Variants in TUSC3 observed in about 807,000 individuals in gnomAD.
TUSC3 encodes the protein tumor suppressor candidate 3, also known as dolichyl-diphosphooligosaccharide--protein glycosyltransferase subunit TUSC3.
TUSC3 carries 45 observed loss-of-function variants against 44.8 expected under a neutral mutation model. The observed-to-expected ratio is 1.00, with a 90% CI of 0.79 to 1.29. The LOEUF is 1.29. TUSC3 is among the 50% of genes most tolerant of loss of function. TUSC3 has a pLI of 0.00. For synonymous variants in TUSC3, 212 were observed against 152.9 expected, an observed-to-expected ratio of 1.39 and a Z score of -2.85; for missense variants, 519 against 437.9, an observed-to-expected ratio of 1.19 and a Z score of -1.65.
chr8:15,748,894 G>T, intron 9 of TUSC3: 11 of 380,988 alleles, frequency 2.9e-5, no homozygotes, highest in South Asian at 2.2e-4. Flanking sequence ...ACATGAAAGG[G>T]AAAAGTTAAG....
At chr8:15,603,974 C>T (rs549311142) in intron 1 of TUSC3, among the ~76,000 whole-genome samples, 6 of 151,376 alleles carry the variant, frequency 4.0e-5, no homozygotes, top group East Asian at 3.9e-4. Context: ...TCTATTATTG[C>T]TTATTAGAAA....
chr8:15,792,966 T>G, the TUSC3 span, among the ~76,000 whole-genome samples: 1 of 152,030 alleles, frequency 6.6e-6, no homozygotes, highest in Admixed American at 6.6e-5. Context: ...TCACCCTCTG[T>G]AAGGCGCCTA....
At chr8:15,662,742 G>T (rs373770467) in intron 5 of TUSC3, among the ~76,000 whole-genome samples, 1 of 151,948 alleles carries the variant, frequency 6.6e-6, no homozygotes, top group South Asian at 2.1e-4. Context: ...CTGCCTGTGA[G>T]AAATGCATTG....
intron 10 of TUSC3, among the ~76,000 whole-genome samples, chr8:15,760,305 T>C (rs138644535): frequency 0.019 from 2,838 of 152,296 alleles, 51 homozygotes; most frequent in Non-Finnish European, 0.025. Context: ...TTGGGAATTA[T>C]GTAATACATA....
At chr8:15,436,914 G>T (rs966844461) in intron 1 of TUSC3, among the ~76,000 whole-genome samples, 2 of 152,110 alleles carry the variant, frequency 1.3e-5, no homozygotes, top group Non-Finnish European at 2.9e-5. Context: ...TTTACATCTT[G>T]TTGATAATTC....
chr8:15,418,752 C>T (rs889248123), intron 1 of TUSC3, among the ~76,000 whole-genome samples: 4 of 152,112 alleles, frequency 2.6e-5, no homozygotes, highest in South Asian at 2.1e-4. Context: ...ATGCCTGTAA[C>T]CTCAGCATTT....
At chr8:15,729,031 T>C (rs1810608798) in intron 6 of TUSC3, among the ~76,000 whole-genome samples, 1 of 152,124 alleles carries the variant, frequency 6.6e-6, no homozygotes, top group Non-Finnish European at 1.5e-5. Context: ...GACAAAAGAT[T>C]GATCAGAGAA....
At chr8:15,477,496 G>T (rs569921969) in intron 1 of TUSC3, among the ~76,000 whole-genome samples, 155 of 152,260 alleles carry the variant, frequency 1.0e-3, no homozygotes, top group African/African-American at 3.5e-3. Flanking sequence ...GCTGAGGCAG[G>T]CAGATCACGA....
rs184539531 is a variant in TUSC3 at position 15,619,606 on chromosome 8, C to G, written c.139-3474C>G. Reference sequence around the variant, plus strand: ...TCCTGGGTTCACGCCATTCTCCTGCCTCAGCCTCTGGAGTAGCTGGGATTA... The same window carrying G: ...TCCTGGGTTCACGCCATTCTCCTGCGTCAGCCTCTGGAGTAGCTGGGATTA... On this transcript the variant is annotated intron_variant, in intron 1 of 10. Transcript: ENST00000503731. Among the ~76,000 whole-genome samples the G allele has an allele frequency of 7.2e-3, 1,094 of 152,204 alleles. 7 individuals are homozygous for G. The highest frequency in any genetic ancestry group is 0.011 in the Non-Finnish European group (757 of 68,000).
intron 2 of TUSC3, among the ~76,000 whole-genome samples, chr8:15,518,884 A>T (rs1166009619): frequency 2.6e-5 from 4 of 152,348 alleles, no homozygotes; most frequent in Admixed American, 2.6e-4. Flanking sequence ...AATGGAATCA[A>T]TCTAAATTAT....
chr8:15,471,051 T>C (rs1800485711), intron 1 of TUSC3, among the ~76,000 whole-genome samples: 1 of 152,218 alleles, frequency 6.6e-6, no homozygotes, highest in African/African-American at 2.4e-5. Context: ...AAGGATGCAG[T>C]AAAAAAGTGC....
chr8:15,761,870 A>G (rs915890760), intron 10 of TUSC3, among the ~76,000 whole-genome samples: 4 of 152,164 alleles, frequency 2.6e-5, no homozygotes, highest in African/African-American at 7.2e-5. Flanking sequence ...CTCCTGAACC[A>G]TAAGTTTGTG....
At chr8:15,758,511 C>T (rs1334473608) in intron 10 of TUSC3, among the ~76,000 whole-genome samples, 2 of 151,936 alleles carry the variant, frequency 1.3e-5, no homozygotes, top group African/African-American at 4.8e-5. Context: ...CCAGAGAACA[C>T]AGGGTCTAGG....
At chr8:15,730,596 C>A in intron 6 of TUSC3, 70 bp from the exon 7 acceptor site, 3 of 1,467,418 alleles carry the variant, frequency 2.0e-6, no homozygotes, top group Non-Finnish European at 2.8e-6. Flanking sequence ...TGTTTATCTT[C>A]ATGACTTAAA....
intron 6 of TUSC3, among the ~76,000 whole-genome samples, chr8:15,690,372 T>G (rs1051909475): frequency 3.3e-5 from 5 of 152,154 alleles, no homozygotes; most frequent in South Asian, 2.1e-4. Flanking sequence ...TTTTGCTTAT[T>G]TAAGTTTCTT....
intron 6 of TUSC3, chr8:15,689,028 C>G (rs1490225624): frequency 3.7e-6 from 1 of 267,864 alleles, no homozygotes; most frequent in Non-Finnish European, 7.5e-6. Flanking sequence ...CTGTTACCAC[C>G]CAGTGCAGGG....
chr8:15,786,024 G>C, the TUSC3 span, among the ~76,000 whole-genome samples: 1 of 152,248 alleles, frequency 6.6e-6, no homozygotes, highest in South Asian at 2.1e-4. Context: ...ATACATTCTT[G>C]AGATGTTTTA....
chr8:15,535,008 A>G (rs1801503590), intron 2 of TUSC3, among the ~76,000 whole-genome samples: 1 of 152,218 alleles, frequency 6.6e-6, no homozygotes, highest in South Asian at 2.1e-4. Context: ...GTTACAGTTC[A>G]TCCACAAGGA....
Position 15,597,362 on chromosome 8 carries a change from T to C in TUSC3, c.139-25718T>C, listed in dbSNP as rs370499083. 7.2e-5 allele frequency among the ~76,000 whole-genome samples: 11 copies of C among 152,276 alleles called. 1 individual carries two copies. Among genetic ancestry groups the C allele is most frequent in the Middle Eastern group, 3.4e-3 (1 of 294 alleles). On this transcript the variant is annotated intron_variant, in intron 1 of 10. Transcript: ENST00000503731. Reference sequence around the variant, plus strand: ...AGTTTTCCTCAAGGTAAATTTGATATTCTTCTTGAGCCAGTTGGACACTGC... The same window carrying C: ...AGTTTTCCTCAAGGTAAATTTGATACTCTTCTTGAGCCAGTTGGACACTGC...
Sources: gnomAD v4.1 joint callset for allele counts (sites outside exome capture counted in the v4.1 genomes callset) on GRCh38, gnomAD v4.1.1 for gene constraint, MANE v1.5 for transcripts, NCBI Gene and HGNC (gene_info 2026-07-23, HGNC 2026-07-21) for gene names.